Variants in RAP1GDS1 observed in about 807,000 individuals in gnomAD.
RAP1GDS1 encodes RAP1, GTP-GDP dissociation stimulator 1.
A neutral mutation model predicts 71.1 loss-of-function variants in RAP1GDS1; 35 were observed. That is an observed-to-expected ratio of 0.49 (90% CI 0.38 to 0.65). The LOEUF is 0.65. RAP1GDS1 is among the 30% of genes least tolerant of loss of function. The pLI, the probability that RAP1GDS1 is intolerant of heterozygous loss-of-function variation, is 0.00. For missense variants in RAP1GDS1, 663 were observed against 706.1 expected (o/e 0.94, Z 0.69); for synonymous variants, 229 against 243.1 (o/e 0.94, Z 0.54).
At chr4:98,273,099 C>G (rs1174452433) in intron 1 of RAP1GDS1, among the ~76,000 whole-genome samples, 1 of 152,136 alleles carries the variant, frequency 6.6e-6, no homozygotes, top group East Asian at 1.9e-4. Flanking sequence ...CACTACCCTC[C>G]TCATCTAGGC....
chr4:98,316,371 T>C (rs1172718824), intron 2 of RAP1GDS1, among the ~76,000 whole-genome samples: 2 of 152,164 alleles, frequency 1.3e-5, no homozygotes, highest in Non-Finnish European at 1.5e-5. Context: ...TTTCCAAATA[T>C]AAGCTTTCAA....
At chr4:98,290,902 A>T (rs1413437259) in intron 1 of RAP1GDS1, among the ~76,000 whole-genome samples, 4 of 152,134 alleles carry the variant, frequency 2.6e-5, no homozygotes, top group Non-Finnish European at 2.9e-5. Context: ...TATATTATTC[A>T]GGAAGAGAAG....
At position 98,418,651 on chromosome 4, in the gene RAP1GDS1, T is replaced by C. The variant is rs780696066; in HGVS notation, c.1040-6T>C. On this transcript the variant is annotated splice_polypyrimidine_tract_variant and splice_region_variant and intron_variant, in intron 9 of 14. Transcript: ENST00000408927. Reference sequence around the variant, plus strand: ...GGAAGAAAAAGATGTGTGTTTTTTTTTTCAGATGCAAATTGTATTCATATG... The same window carrying C: ...GGAAGAAAAAGATGTGTGTTTTTTTCTTCAGATGCAAATTGTATTCATATG... 49 of 1,583,628 alleles carry C rather than the reference T, an allele frequency of 3.1e-5. No homozygotes were observed. The highest frequency in any genetic ancestry group is 3.8e-5 in the Non-Finnish European group (45 of 1,170,676).
At chr4:98,312,168 G>A (rs1038340865) in intron 2 of RAP1GDS1, among the ~76,000 whole-genome samples, 1 of 152,140 alleles carries the variant, frequency 6.6e-6, no homozygotes, top group African/African-American at 2.4e-5. Flanking sequence ...AGGGCCAGGG[G>A]AAGCATTTTA....
At chr4:98,311,993 G>A in intron 2 of RAP1GDS1, among the ~76,000 whole-genome samples, 1 of 152,110 alleles carries the variant, frequency 6.6e-6, no homozygotes, top group East Asian at 1.9e-4. Flanking sequence ...TTGGAATGAG[G>A]AGTAAGATAA....
At position 98,318,836 on chromosome 4, in the gene RAP1GDS1, G is replaced by A. The variant is rs75946578; in HGVS notation, c.113-24303G>A. 2.8e-4 allele frequency among the ~76,000 whole-genome samples: 43 copies of A among 152,234 alleles called. 1 individual carries two copies. In the East Asian group the frequency reaches 8.1e-3, roughly 29 times the overall value. Reference sequence around the variant, plus strand: ...GAGATTTCATTATGCAACTCAGAACGGCATGCAATTTAAAACTTACAAATT... The same window carrying A: ...GAGATTTCATTATGCAACTCAGAACAGCATGCAATTTAAAACTTACAAATT... On this transcript the variant is annotated intron_variant, in intron 2 of 14. Coordinates refer to ENST00000408927, the MANE Select transcript of RAP1GDS1 (RefSeq NM_001100427.2).
intron 12 of RAP1GDS1, among the ~76,000 whole-genome samples, chr4:98,427,234 T>C (rs1250540994): frequency 6.6e-6 from 1 of 152,132 alleles, no homozygotes; most frequent in Non-Finnish European, 1.5e-5. Flanking sequence ...ATAAAAGCCG[T>C]CTATGAGAAA....
intron 14 of RAP1GDS1, among the ~76,000 whole-genome samples, chr4:98,438,567 C>CATATATAT (rs36034058): frequency 6.5e-4 from 68 of 104,730 alleles, no homozygotes; most frequent in African/African-American, 2.3e-3. Context: ...TTTATTCTTC[C>CATATATAT]ATATATATAT....
chr4:98,281,869 T>A (rs1488500574), intron 1 of RAP1GDS1, among the ~76,000 whole-genome samples: 1 of 152,210 alleles, frequency 6.6e-6, no homozygotes, highest in Non-Finnish European at 1.5e-5. Context: ...GAATTAATCA[T>A]GTGGTTTTTG....
intron 2 of RAP1GDS1, among the ~76,000 whole-genome samples, chr4:98,298,566 A>G (rs771177296): frequency 5.3e-5 from 8 of 152,158 alleles, no homozygotes; most frequent in African/African-American, 1.2e-4. Context: ...CAGCACATCT[A>G]TTTACAGCAT....
chr4:98,399,915 G>A (rs1444621653), intron 6 of RAP1GDS1, among the ~76,000 whole-genome samples: 1 of 152,128 alleles, frequency 6.6e-6, no homozygotes, highest in Non-Finnish European at 1.5e-5. Flanking sequence ...AACACTTTGG[G>A]AGGCTGAAGC....
intron 3 of RAP1GDS1, 109 bp downstream of exon 3, chr4:98,343,370 T>G: frequency 7.6e-7 from 1 of 1,309,420 alleles, no homozygotes; most frequent in Admixed American, 2.2e-5. Flanking sequence ...TAGACATTTT[T>G]TATTTCTATT....
At chr4:98,303,790 A>G (rs1728923146) in intron 2 of RAP1GDS1, among the ~76,000 whole-genome samples, 1 of 152,052 alleles carries the variant, frequency 6.6e-6, no homozygotes, top group African/African-American at 2.4e-5. Context: ...TGCTGCACCT[A>G]TCAACCCTTC....
At chr4:98,415,328 A>G (rs983791676) in intron 7 of RAP1GDS1, among the ~76,000 whole-genome samples, 1 of 152,218 alleles carries the variant, frequency 6.6e-6, no homozygotes, top group South Asian at 2.1e-4. Flanking sequence ...TCAAGCACAC[A>G]TGTTCTACAA....
At chr4:98,283,021 T>TA (rs907247163) in intron 1 of RAP1GDS1, among the ~76,000 whole-genome samples, 3 of 151,314 alleles carry the variant, frequency 2.0e-5, no homozygotes, top group Non-Finnish European at 3.0e-5. Context: ...AATTGAACGT[T>TA]AAAAAAAAAT....
Position 98,442,512 on chromosome 4 carries a change from A to T in RAP1GDS1, c.*395A>T, listed in dbSNP as rs1396209081. On this transcript the variant is annotated 3_prime_UTR_variant, in exon 15 of 15. Coordinates refer to ENST00000408927, the MANE Select transcript of RAP1GDS1 (RefSeq NM_001100427.2). ...GCAGGATCTGTCTAGCTTATTAAAG[A>T]TGAAACTGAATTGGAAAAATAGCTC... 4.3e-6 allele frequency: 1 copy of T among 230,104 alleles called. No individual in the cohort carries two copies. The highest frequency in any genetic ancestry group is 2.2e-5 in the African/African-American group (1 of 45,118). 14.3% of individuals were successfully genotyped at this position (230,104 alleles called of 1,614,324 possible).
At chr4:98,291,021 A>G (rs1211076767) in intron 1 of RAP1GDS1, among the ~76,000 whole-genome samples, 1 of 152,156 alleles carries the variant, frequency 6.6e-6, no homozygotes, top group Non-Finnish European at 1.5e-5. Flanking sequence ...TTCTAAGTTA[A>G]GAGGTGTTTC....
At chr4:98,422,609 C>A (rs1749048180) in intron 12 of RAP1GDS1, among the ~76,000 whole-genome samples, 1 of 152,170 alleles carries the variant, frequency 6.6e-6, no homozygotes, top group Non-Finnish European at 1.5e-5. Flanking sequence ...GAACTCAAAT[C>A]CACCAGCTGT....
intron 5 of RAP1GDS1, chr4:98,387,586 C>T: frequency 2.6e-6 from 1 of 382,880 alleles, no homozygotes; most frequent in Non-Finnish European, 5.5e-6. Context: ...CCCTCAGTGC[C>T]TTTCTTCCTC....
Sources: gnomAD v4.1 joint callset for allele counts (sites outside exome capture counted in the v4.1 genomes callset) on GRCh38, gnomAD v4.1.1 for gene constraint, MANE v1.5 for transcripts, NCBI Gene and HGNC (gene_info 2026-07-23, HGNC 2026-07-21) for gene names.